LRCH3: variants seen among roughly 807,000 people sequenced by gnomAD.
The protein encoded by LRCH3 is DISP complex protein LRCH3.
In LRCH3, 68 loss-of-function variants were observed where a neutral mutation model predicts 104.5. The observed-to-expected ratio is 0.65, with a 90% CI of 0.54 to 0.80. The LOEUF (loss-of-function observed/expected upper bound fraction) is 0.80. LRCH3 is among the 30% of genes least tolerant of loss of function. The probability of loss-of-function intolerance (pLI) is 0.00; values close to 1 mark genes in which losing one functional copy is unlikely to be tolerated. For synonymous variants in LRCH3, 344 were observed against 361.3 expected, an observed-to-expected ratio of 0.95 and a Z score of 0.54; for missense variants, 951 against 953.9, an observed-to-expected ratio of 1.00 and a Z score of 0.04.
intron 18 of LRCH3, 144 bp downstream of exon 18, chr3:197,870,422 G>A: frequency 1.3e-6 from 1 of 754,074 alleles, no homozygotes; most frequent in Non-Finnish European, 2.0e-6. Context: ...CTGGAGTTCA[G>A]TGGCATGATC....
At chr3:197,847,187 C>G (rs1336100835) in intron 10 of LRCH3, among the ~76,000 whole-genome samples, 2 of 152,114 alleles carry the variant, frequency 1.3e-5, no homozygotes, top group Non-Finnish European at 2.9e-5. Flanking sequence ...ACAGTTGATA[C>G]CACATGAAAC....
At position 197,856,909 on chromosome 3, in the gene LRCH3, TATC is replaced by T. The variant is rs550596477; in HGVS notation, c.1645-1922_1645-1920del. Among the ~76,000 whole-genome samples, 561 of 152,382 alleles carry T rather than the reference TATC, an allele frequency of 3.7e-3. 8 individuals are homozygous for T. The highest frequency in any genetic ancestry group is 0.013 in the African/African-American group (544 of 41,588). On this transcript the variant is annotated intron_variant, in intron 14 of 20. Coordinates refer to ENST00000425562, the MANE Select transcript of LRCH3 (RefSeq NM_001365715.1). The surrounding 1 kb of genome is among the most constrained non-coding windows in gnomAD (Gnocchi z 4.2). ...TGTGATGAAAAGGTCTGATGAACGA[TATC>T]ATAAGGTAAATGCTGAATTTGATTT... is the stretch of plus-strand genomic sequence containing the variant.
chr3:197,878,366 G>C (rs9759077), intron 20 of LRCH3, among the ~76,000 whole-genome samples: 20,716 of 152,158 alleles, frequency 0.14, 1,693 homozygotes, highest in East Asian at 0.23. Context: ...ATTTAAGTTG[G>C]TATTTGCATG....
chr3:197,872,040 C>T (rs1441119396), intron 19 of LRCH3, among the ~76,000 whole-genome samples: 3 of 152,124 alleles, frequency 2.0e-5, no homozygotes, highest in Non-Finnish European at 2.9e-5. Flanking sequence ...AGAGGGAATA[C>T]CATGATTCTA....
intron 10 of LRCH3, among the ~76,000 whole-genome samples, chr3:197,840,690 T>C (rs1298103458): frequency 6.6e-6 from 1 of 151,744 alleles, no homozygotes; most frequent in Non-Finnish European, 1.5e-5. Flanking sequence ...CTCGGGGGAC[T>C]GAGCTATAGA....
intron 20 of LRCH3, among the ~76,000 whole-genome samples, chr3:197,878,406 G>A (rs1276788011): frequency 6.6e-6 from 1 of 152,132 alleles, no homozygotes; most frequent in East Asian, 1.9e-4. Context: ...TTATGGGCCA[G>A]CCTGCCCCTG....
rs375897623 is a variant in LRCH3, at chr3:197,857,163, G to A, written c.1645-1671G>A. On this transcript the variant is annotated intron_variant, in intron 14 of 20. Transcript: ENST00000425562. ...ATCAGTTTACACTGACATTGTCTTCGGGCTACCTCTCAAGCTCCTGTTAAT... is the reference window on the plus strand; with the variant it reads ...ATCAGTTTACACTGACATTGTCTTCAGGCTACCTCTCAAGCTCCTGTTAAT... Among the ~76,000 whole-genome samples the A allele has an allele frequency of 3.5e-4, 52 of 147,422 alleles. 2 individuals carry two copies. The East Asian group carries it at 7.8e-3, about 22-fold the overall frequency.
At chr3:197,851,512 C>T (rs1399453060) in intron 12 of LRCH3, among the ~76,000 whole-genome samples, 1 of 152,154 alleles carries the variant, frequency 6.6e-6, no homozygotes, top group Non-Finnish European at 1.5e-5. Flanking sequence ...TAAGGGTTGG[C>T]AGTATTGCAG....
chr3:197,844,583 A>G (rs1438384536), intron 10 of LRCH3, among the ~76,000 whole-genome samples: 1 of 150,756 alleles, frequency 6.6e-6, no homozygotes, highest in East Asian at 2.0e-4. Context: ...AGAAGTATAG[A>G]GAGGAATGAA....
At chr3:197,879,975 T>C (rs546821725) in intron 20 of LRCH3, among the ~76,000 whole-genome samples, 1 of 149,954 alleles carries the variant, frequency 6.7e-6, no homozygotes, top group Non-Finnish European at 1.5e-5. Flanking sequence ...AGACGGAGTC[T>C]CGCTCTGTCA....
At chr3:197,878,102 G>A (rs896980525) in intron 20 of LRCH3, among the ~76,000 whole-genome samples, 2 of 152,132 alleles carry the variant, frequency 1.3e-5, no homozygotes, top group African/African-American at 4.8e-5. Context: ...TTTAAACAAA[G>A]AGAGTATGGC....
intron 18 of LRCH3, 31 bp downstream of exon 18, chr3:197,870,309 T>C (rs1374633460): frequency 6.3e-7 from 1 of 1,590,844 alleles, no homozygotes; most frequent in South Asian, 1.1e-5. Context: ...TTACACTTTT[T>C]CAGTATTACT....
chr3:197,883,883 C>G lies in LRCH3; in HGVS notation c.*217C>G, dbSNP rs1220309922. On this transcript the variant is annotated 3_prime_UTR_variant, in exon 21 of 21. Transcript: ENST00000425562. This position sits in a 1 kb window ranked among gnomAD's most constrained non-coding sequence, Gnocchi z 4.2. ...TTTACGAAGACACCATTGGTTTTCTCAGATGAAACTTCTCTTACTGAAAAC... is the reference window on the plus strand; with the variant it reads ...TTTACGAAGACACCATTGGTTTTCTGAGATGAAACTTCTCTTACTGAAAAC... 2.1e-6 allele frequency: 1 copy of G among 473,916 alleles called. No individual in the cohort carries two copies. Among genetic ancestry groups the G allele is most frequent in the Non-Finnish European group, 3.5e-6 (1 of 282,442 alleles). 29.4% of individuals were successfully genotyped at this position (473,916 alleles called of 1,614,324 possible).
intron 10 of LRCH3, among the ~76,000 whole-genome samples, chr3:197,839,817 A>G (rs1032484844): frequency 6.6e-6 from 1 of 150,606 alleles, no homozygotes; most frequent in Non-Finnish European, 1.5e-5. Flanking sequence ...CTACAAAAAG[A>G]AAAAAAAATA....
chr3:197,826,954 C>A lies in LRCH3; in HGVS notation c.717C>A (p.Asn239Lys), dbSNP rs758404981. The change falls in exon 5 of 21, where the codon AAC (asparagine) becomes AAA (lysine). Residue 239 changes from asparagine (N) to lysine (K), a missense_variant. Transcript: ENST00000425562. Reference protein sequence around the residue: ...KITTIPVCYRNLRHLQTITLD... With the variant: ...KITTIPVCYRKLRHLQTITLD... ...CCACAATCCCTGTTTGTTATCGGAA[C>A]CTCAGGCACCTACAGACGATCACCC... The A allele has an allele frequency of 1.9e-6, 3 of 1,614,006 alleles. No individual in the cohort carries two copies. The highest frequency in any genetic ancestry group is 2.5e-6 in the Non-Finnish European group (3 of 1,180,010).
At position 197,887,333 on chromosome 3, in the gene LRCH3, A is replaced by C. The variant is rs1475443017; in HGVS notation, c.*3667A>C. On this transcript the variant is annotated 3_prime_UTR_variant, in exon 21 of 21. Transcript: ENST00000425562. ...AAGCAGAGCCCTTCCCATCACTGAC[A>C]GTGTTGGGGGTTGAGAGCCCCCCAG... The C allele has an allele frequency of 6.5e-6, 1 of 153,948 alleles. No homozygotes were observed. Among genetic ancestry groups the C allele is most frequent in the African/African-American group, 2.4e-5 (1 of 41,384 alleles). The allele number at this position is 153,948 out of a possible 1,614,324, so 9.5% of individuals were successfully genotyped here.
intron 19 of LRCH3, among the ~76,000 whole-genome samples, chr3:197,875,405 T>A (rs1712767583): frequency 6.6e-6 from 1 of 152,244 alleles, no homozygotes; most frequent in Non-Finnish European, 1.5e-5. Flanking sequence ...AGCTGATGCC[T>A]CTGATCCCAG....
intron 15 of LRCH3, among the ~76,000 whole-genome samples, chr3:197,864,341 C>A (rs1457613725): frequency 7.1e-6 from 1 of 140,778 alleles, no homozygotes; most frequent in Non-Finnish European, 1.5e-5. Flanking sequence ...GGCGTGGTGG[C>A]TCATGCCTGT....
chr3:197,848,830 G>A (rs1389895451), intron 12 of LRCH3, among the ~76,000 whole-genome samples: 7 of 152,148 alleles, frequency 4.6e-5, no homozygotes, highest in Non-Finnish European at 8.8e-5. Flanking sequence ...AGTACGATGC[G>A]TATGTCTGTT....
Sources: gnomAD v4.1 joint callset for allele counts (sites outside exome capture counted in the v4.1 genomes callset) on GRCh38, gnomAD v4.1.1 for gene constraint, Gnocchi (gnomAD v3.1) non-coding constraint, MANE v1.5 for transcripts, NCBI Gene and HGNC (gene_info 2026-07-23, HGNC 2026-07-21) for gene names.